Variants in MAPK8IP3 observed in about 807,000 individuals in gnomAD.
MAPK8IP3 encodes the protein mitogen-activated protein kinase 8 interacting protein 3.
MAPK8IP3 carries 49 observed loss-of-function variants against 157.8 expected under a neutral mutation model. The ratio of observed to expected loss-of-function variants is 0.31; its 90% CI spans 0.25 to 0.39. The LOEUF (loss-of-function observed/expected upper bound fraction) is 0.39, where lower values mean the gene tolerates loss of function less well. MAPK8IP3 is among the 10% of genes least tolerant of loss of function. MAPK8IP3 has a pLI of 1.00. For missense variants in MAPK8IP3, 1,478 were observed against 1,889.4 expected, an observed-to-expected ratio of 0.78 and a Z score of 4.04; for synonymous variants, 897 against 777.7, an observed-to-expected ratio of 1.15 and a Z score of -2.55.
At position 1,768,082 on chromosome 16, in the gene MAPK8IP3, C is replaced by T; in HGVS notation, c.3537C>T (p.His1179=). 2 of 1,612,348 alleles carry T rather than the reference C, an allele frequency of 1.2e-6. No individual in the cohort carries two copies. The highest frequency in any genetic ancestry group is 1.7e-6 in the Non-Finnish European group (2 of 1,179,994). Reference sequence around the variant, plus strand: ...CCATGTCCCCAGCTGTGGTCCTGCACCGAGGCCAGCTCCTGGGGCTCCGAG... The same window carrying T: ...CCATGTCCCCAGCTGTGGTCCTGCATCGAGGCCAGCTCCTGGGGCTCCGAG... ...SIPLTETVVL[H]RGQLLGLRAN... Residue 1179 remains histidine, a synonymous_variant, in exon 29 of 32, where the codon CAC becomes CAT. Coordinates refer to ENST00000610761, the MANE Select transcript of MAPK8IP3 (RefSeq NM_001318852.2).
chr16:1,748,728 C>T lies in MAPK8IP3; in HGVS notation c.1216+8C>T, dbSNP rs760748103. On this transcript the variant is annotated splice_region_variant and intron_variant, in intron 8 of 31. Coordinates refer to ENST00000610761, the MANE Select transcript of MAPK8IP3 (RefSeq NM_001318852.2). Reference sequence around the variant, plus strand: ...AAGGGGCCGACCTCCTAGGTAAGCGCAAGCCTTCCCCCGCACCGCTGTGCC... The same window carrying T: ...AAGGGGCCGACCTCCTAGGTAAGCGTAAGCCTTCCCCCGCACCGCTGTGCC... 36 of 1,606,764 alleles carry T rather than the reference C, an allele frequency of 2.2e-5. No homozygotes were observed. The highest frequency in any genetic ancestry group is 2.9e-5 in the Non-Finnish European group (34 of 1,173,478).
chr16:1,759,045 G>T, intron 10 of MAPK8IP3, 50 bp downstream of exon 10: 1 of 1,609,526 alleles, frequency 6.2e-7, no homozygotes, highest in Non-Finnish European at 8.5e-7. Context: ...ACCCCGACAT[G>T]GTCTCCTGCT....
rs533422349 is a variant in MAPK8IP3, at chr16:1,706,307, T to C, written c.-33T>C. 5.3e-6 allele frequency: 8 copies of C among 1,516,528 alleles called. No individual in the cohort carries two copies. The Admixed American group carries it at 1.4e-4, about 27-fold the overall frequency. 93.9% of individuals were successfully genotyped at this position (1,516,528 alleles called of 1,614,324 possible). A position where few individuals can be genotyped will look rare whatever the true frequency, so the allele number is the denominator to read the frequency against. Reference sequence around the variant, plus strand: ...GGGAGGGCCGGGCGCGCCGGCCGGATAGCGAGCCGCGCTGGCGGCGGCGGT... The same window carrying C: ...GGGAGGGCCGGGCGCGCCGGCCGGACAGCGAGCCGCGCTGGCGGCGGCGGT... On this transcript the variant is annotated 5_prime_UTR_variant, in exon 1 of 32. Coordinates refer to ENST00000610761, the MANE Select transcript of MAPK8IP3 (RefSeq NM_001318852.2). The surrounding 1 kb of genome is among the most constrained non-coding windows in gnomAD (Gnocchi z 5.1).
At chr16:1,763,178 C>G (rs1396437012) in intron 16 of MAPK8IP3, among the ~76,000 whole-genome samples, 172 bp downstream of exon 16, 1 of 152,216 alleles carries the variant, frequency 6.6e-6, no homozygotes, top group Admixed American at 6.5e-5. Flanking sequence ...CTCCCTGCAG[C>G]GGGGAGCTGG....
intron 2 of MAPK8IP3, among the ~76,000 whole-genome samples, chr16:1,727,027 T>C (rs1178262902): frequency 3.3e-5 from 5 of 151,178 alleles, no homozygotes; most frequent in African/African-American, 1.2e-4. Flanking sequence ...GTGTGCGGCA[T>C]CTGTGTGAGT....
In MAPK8IP3 at chr16:1,762,967, T is replaced by A. The variant is rs759426657; in HGVS notation, c.1859T>A (p.Ile620Asn). The A allele has an allele frequency of 6.2e-7, 1 of 1,612,918 alleles. No homozygotes were observed. The highest frequency in any genetic ancestry group is 8.5e-7 in the Non-Finnish European group (1 of 1,179,974). Residue 620 changes from isoleucine (I) to asparagine (N), a missense_variant, in exon 16 of 32, where the codon ATC becomes AAC. Around this residue, in one of 11 missense-constraint regions of MAPK8IP3, gnomAD observed 669 missense variants for 759.8 expected, o/e 0.88. Transcript: ENST00000610761. ...SQRRNHAMCP[I>N]SAGSRPLEFF... ...CGCCGCAACCATGCCATGTGCCCGA[T>A]CTCGGCAGGCAGCCGGCCCCTGGAA...
At chr16:1,716,310 C>CT (rs1195691751) in intron 1 of MAPK8IP3, among the ~76,000 whole-genome samples, 18,085 of 129,506 alleles carry the variant, frequency 0.14, 1,922 homozygotes, top group African/African-American at 0.29. Context: ...CAGGTCATTT[C>CT]TTTTTTTTTT....
rs370041068 is a variant in MAPK8IP3 at position 1,750,202 on chromosome 16, GTTTATTTATTTA to G, written c.1216+1498_1216+1509del. Among the ~76,000 whole-genome samples, 13 of 151,894 alleles carry G rather than the reference GTTTATTTATTTA, an allele frequency of 8.6e-5. No individual in the cohort carries two copies. In the East Asian group the frequency reaches 2.5e-3, roughly 29 times the overall value. The stretch of plus-strand genomic sequence containing the variant: ...TTCCACTCTACATAATTCAGATAAT[GTTTATTTATTTA>G]TTTATTTATTTATTTCTTAGACAAA... On this transcript the variant is annotated intron_variant, in intron 8 of 31. Transcript: ENST00000610761.
At chr16:1,738,646 G>A (rs574013052) in intron 4 of MAPK8IP3, among the ~76,000 whole-genome samples, 7 of 130,482 alleles carry the variant, frequency 5.4e-5, no homozygotes, top group African/African-American at 8.8e-5. Context: ...GTGAGCGTCC[G>A]TGTGAGTGTG....
chr16:1,767,251 A>T lies in MAPK8IP3; in HGVS notation c.3191A>T (p.Tyr1064Phe). The T allele has an allele frequency of 6.2e-7, 1 of 1,613,356 alleles. No individual in the cohort carries two copies. The highest frequency in any genetic ancestry group is 8.5e-7 in the Non-Finnish European group (1 of 1,179,994). Residue 1064 changes from tyrosine (Y) to phenylalanine (F), a missense_variant, in exon 26 of 32, where the codon TAC (tyrosine) becomes TTC (phenylalanine). Coordinates refer to ENST00000610761, the MANE Select transcript of MAPK8IP3 (RefSeq NM_001318852.2). ...GTGTACGACCGCGTGTGGTGTGGCTACAAGAACAAGGTGCACGTCATCCAG... is the reference window on the plus strand; with the variant it reads ...GTGTACGACCGCGTGTGGTGTGGCTTCAAGAACAAGGTGCACGTCATCCAG... ...AVVYDRVWCGYKNKVHVIQPK... is the reference protein window; with the variant it reads ...AVVYDRVWCGFKNKVHVIQPK...
intron 1 of MAPK8IP3, among the ~76,000 whole-genome samples, chr16:1,709,461 G>A (rs1029501842): frequency 3.9e-5 from 6 of 152,260 alleles, no homozygotes; most frequent in Non-Finnish European, 8.8e-5. Context: ...TTGGTTGCCT[G>A]GAGAATTGTG....
chr16:1,747,889 T>G (rs1038777710), intron 6 of MAPK8IP3, among the ~76,000 whole-genome samples: 4 of 152,206 alleles, frequency 2.6e-5, no homozygotes, highest in Non-Finnish European at 5.9e-5. Context: ...GTAACCTGCG[T>G]TGCCCCACGG....
chr16:1,764,738 G>C (rs1483811057), intron 19 of MAPK8IP3, among the ~76,000 whole-genome samples: 2 of 152,226 alleles, frequency 1.3e-5, no homozygotes, highest in Admixed American at 6.5e-5. Context: ...AGGAGCGGCA[G>C]AGCTTGCCTC....
At position 1,768,719 on chromosome 16, in the gene MAPK8IP3, C is replaced by G. The variant is rs762661117; in HGVS notation, c.3909C>G (p.Asp1303Glu). Residue 1303 changes from aspartate to glutamate, a missense_variant, in exon 32 of 32, where the codon GAC (aspartate) becomes GAG (glutamate). By Grantham distance (45) the Asp-to-Glu change is conservative (BLOSUM62 2). Coordinates refer to ENST00000610761, the MANE Select transcript of MAPK8IP3 (RefSeq NM_001318852.2). Reference protein sequence around the residue: ...IDFRIGDGEDDETEEGAGDMS... With the variant: ...IDFRIGDGEDEETEEGAGDMS... ...TGCCCGCAGGAGACGGAGAGGACGA[C>G]GAGACGGAGGAGGGCGCAGGGGACA... The G allele has an allele frequency of 6.2e-7, 1 of 1,612,604 alleles. No homozygotes were observed. The highest frequency in any genetic ancestry group is 8.5e-7 in the Non-Finnish European group (1 of 1,179,822).
chr16:1,706,209 C>A lies in MAPK8IP3; in HGVS notation c.-131C>A. ...GTGACGGGCGCAGCCTCGGCAGCGG[C>A]GGCGGCGGAGCCCTGAGGCGACAGC... is the stretch of plus-strand genomic sequence containing the variant. On this transcript the variant is annotated 5_prime_UTR_variant, in exon 1 of 32. Transcript: ENST00000610761. This position sits in a 1 kb window ranked among gnomAD's most constrained non-coding sequence, Gnocchi z 5.1. The A allele has an allele frequency of 1.4e-6, 1 of 707,666 alleles. No homozygotes were observed. The highest frequency in any genetic ancestry group is 2.0e-6 in the Non-Finnish European group (1 of 508,046). The allele number at this position is 707,666 out of a possible 1,614,324, so 43.8% of individuals were successfully genotyped here.
At position 1,766,594 on chromosome 16, in the gene MAPK8IP3, C is replaced by T. The variant is rs1000170559; in HGVS notation, c.2885C>T (p.Thr962Met). The T allele has an allele frequency of 5.0e-6, 8 of 1,612,270 alleles. No homozygotes were observed. Among genetic ancestry groups the T allele is most frequent in the African/African-American group, 4.0e-5 (3 of 74,918 alleles). ...RPEPEPSGDP[T>M]GAGSSAAPTM... ...GAGCCAGAGCCCAGCGGGGACCCCA[C>T]GGGAGCAGGCAGCAGTGCTGCACCC... is the stretch of plus-strand genomic sequence containing the variant. Residue 962 changes from threonine (T) to methionine (M), a missense_variant, in exon 23 of 32, where the codon ACG (threonine) becomes ATG (methionine). By Grantham distance (81) the Thr-to-Met change is moderately conservative. This residue lies in a region of MAPK8IP3 where 669 missense variants were observed against 759.8 expected (regional missense o/e 0.88). Coordinates refer to ENST00000610761, the MANE Select transcript of MAPK8IP3 (RefSeq NM_001318852.2).
At chr16:1,767,426 G>C (rs1174169919) in intron 26 of MAPK8IP3, 129 bp downstream of exon 26, 2 of 1,498,916 alleles carry the variant, frequency 1.3e-6, no homozygotes, top group Admixed American at 1.8e-5. Context: ...CTATGACTCA[G>C]GCTCGAACAG....
intron 4 of MAPK8IP3, among the ~76,000 whole-genome samples, chr16:1,738,185 C>CGT (rs1458250704): frequency 8.9e-4 from 47 of 53,030 alleles, no homozygotes; most frequent in Admixed American, 1.9e-3. Flanking sequence ...TGTGAGCGTC[C>CGT]GTGAGCGTGT....
In MAPK8IP3 at chr16:1,768,394, T is replaced by G; in HGVS notation, c.3742+16T>G. The G allele has an allele frequency of 6.3e-7, 1 of 1,598,126 alleles. No individual in the cohort carries two copies. The highest frequency in any genetic ancestry group is 1.1e-5 in the South Asian group (1 of 90,952). On this transcript the variant is annotated intron_variant, in intron 30 of 31. Transcript: ENST00000610761. Reference sequence around the variant, plus strand: ...TCGGTGCCAGGTGAGGCTGGGCCCCTCCTGCCATCCACATCCCCTGCATGC... The same window carrying G: ...TCGGTGCCAGGTGAGGCTGGGCCCCGCCTGCCATCCACATCCCCTGCATGC...
Sources: allele counts gnomAD v4.1 joint callset (sites outside exome capture counted in the v4.1 genomes callset), GRCh38; gene constraint gnomAD v4.1.1; regional missense constraint gnomAD v4.1.1; non-coding constraint Gnocchi (gnomAD v3.1); transcripts MANE v1.5; gene names NCBI Gene and HGNC (gene_info 2026-07-23, HGNC 2026-07-21).